The following RTKN2 variants were observed in gnomAD, a reference collection of about 807,000 sequenced individuals.
RTKN2 encodes the protein rhotekin-2.
RTKN2 carries 69 observed loss-of-function variants against 71.5 expected under a neutral mutation model. The ratio of observed to expected loss-of-function variants is 0.96; its 90% CI spans 0.79 to 1.18. The LOEUF (loss-of-function observed/expected upper bound fraction) is 1.18, where lower values mean the gene tolerates loss of function less well. Among genes scored for constraint, RTKN2 ranks in the 50% most tolerant of loss-of-function variants. RTKN2 has a pLI of 0.00. For synonymous variants in RTKN2, 236 were observed against 236.5 expected, an observed-to-expected ratio of 1.00 and a Z score of 0.02; for missense variants, 724 against 719.7, an observed-to-expected ratio of 1.01 and a Z score of -0.07.
At chr10:62,255,509 A>G (rs369286717) in intron 2 of RTKN2, among the ~76,000 whole-genome samples, 186 of 152,364 alleles carry the variant, frequency 1.2e-3, no homozygotes, top group African/African-American at 4.3e-3. Flanking sequence ...GAGACTAAAG[A>G]GAGGATTGTC....
Position 62,194,931 on chromosome 10 carries a change from G to A in RTKN2, c.*2977C>T. 1 of 985,348 alleles carries A rather than the reference G, an allele frequency of 1.0e-6. No homozygotes were observed. Among genetic ancestry groups the A allele is most frequent in the Non-Finnish European group, 1.2e-6 (1 of 829,892 alleles). The allele number at this position is 985,348 out of a possible 1,614,324, so 61.0% of individuals were successfully genotyped here. On this transcript the variant is annotated 3_prime_UTR_variant, in exon 12 of 12. Transcript: ENST00000373789. ...TTAAAAGAAGTCAGGGGGCACTGCA[G>A]ACAGTTAAGGAGGATTTAACAAAAC...
intron 2 of RTKN2, among the ~76,000 whole-genome samples, chr10:62,258,877 G>A (rs889219418): frequency 6.6e-6 from 1 of 152,074 alleles, no homozygotes; most frequent in African/African-American, 2.4e-5. Context: ...GGGAGATGGA[G>A]GTACATGGGT....
chr10:62,189,804 G>A (rs372340704), downstream of RTKN2, among the ~76,000 whole-genome samples: 24 of 151,914 alleles, frequency 1.6e-4, no homozygotes, highest in East Asian at 4.4e-3. Flanking sequence ...AGTCCAGGCT[G>A]GGCAACAGAG....
chr10:62,204,180 A>G (rs1229919859), intron 10 of RTKN2, among the ~76,000 whole-genome samples: 1 of 152,204 alleles, frequency 6.6e-6, no homozygotes, highest in Non-Finnish European at 1.5e-5. Flanking sequence ...TACATTTTCA[A>G]TATAATGATA....
chr10:62,202,926 T>C (rs190739922), intron 10 of RTKN2, among the ~76,000 whole-genome samples: 127 of 152,246 alleles, frequency 8.3e-4, no homozygotes, highest in African/African-American at 2.8e-3. Flanking sequence ...TTTGGGGGGC[T>C]GAGGTGGGCG....
In RTKN2 at chr10:62,218,316, A is replaced by C. The variant is rs773102654; in HGVS notation, c.782-15T>G. ...TGAAGACTCCTCTATTTAAAGGAGA[A>C]AGAAAAAAAAAAATCAAGTTATAAA... On this transcript the variant is annotated splice_polypyrimidine_tract_variant and intron_variant, in intron 7 of 11. Coordinates refer to ENST00000373789, the MANE Select transcript of RTKN2 (RefSeq NM_145307.4). 48 of 1,410,094 alleles carry C rather than the reference A, an allele frequency of 3.4e-5. No homozygotes were observed. Among genetic ancestry groups the C allele is most frequent in the Non-Finnish European group, 4.5e-5 (47 of 1,049,014 alleles). 87.3% of individuals were successfully genotyped at this position (1,410,094 alleles called of 1,614,324 possible).
At chr10:62,250,698 C>T (rs1359235785) in intron 2 of RTKN2, among the ~76,000 whole-genome samples, 1 of 152,136 alleles carries the variant, frequency 6.6e-6, no homozygotes, top group Non-Finnish European at 1.5e-5. Context: ...GGCATGATCT[C>T]GGCTCACTGC....
At chr10:62,247,576 A>T (rs563918736) in intron 2 of RTKN2, among the ~76,000 whole-genome samples, 33 of 152,092 alleles carry the variant, frequency 2.2e-4, no homozygotes, top group African/African-American at 7.9e-4. Flanking sequence ...TGAATCATAA[A>T]TTTTAAAAAG....
chr10:62,189,688 T>C (rs1841189573), downstream of RTKN2, among the ~76,000 whole-genome samples: 1 of 152,182 alleles, frequency 6.6e-6, no homozygotes, highest in Non-Finnish European at 1.5e-5. Flanking sequence ...TAGCTGGGCA[T>C]GGAGGCACAT....
chr10:62,255,062 T>A (rs1589382738), intron 2 of RTKN2, among the ~76,000 whole-genome samples: 1 of 152,186 alleles, frequency 6.6e-6, no homozygotes, highest in Non-Finnish European at 1.5e-5. Flanking sequence ...GGTATATGGG[T>A]ATTCACTGTA....
At chr10:62,205,382 T>C (rs1173745507) in intron 9 of RTKN2, among the ~76,000 whole-genome samples, 1 of 152,174 alleles carries the variant, frequency 6.6e-6, no homozygotes, top group Non-Finnish European at 1.5e-5. Context: ...AAGTACAGCA[T>C]GTCATAGCTG....
chr10:62,244,662 C>T (rs543341520), intron 3 of RTKN2, among the ~76,000 whole-genome samples: 1 of 151,996 alleles, frequency 6.6e-6, no homozygotes, highest in South Asian at 2.1e-4. Context: ...ATTTATTGCA[C>T]ATAATGAACA....
rs1424364625 is a variant in RTKN2, at chr10:62,197,190, G to T, written c.*718C>A. ...AAATTAGCACCACACACAGAAAATT[G>T]AATGTAAAGAGCATTTCATCTACCA... On this transcript the variant is annotated 3_prime_UTR_variant, in exon 12 of 12. Coordinates refer to ENST00000373789, the MANE Select transcript of RTKN2 (RefSeq NM_145307.4). 1.0e-6 allele frequency: 1 copy of T among 985,534 alleles called. No homozygotes were observed. Among genetic ancestry groups the T allele is most frequent in the Non-Finnish European group, 1.2e-6 (1 of 829,782 alleles). 61.0% of individuals were successfully genotyped at this position (985,534 alleles called of 1,614,324 possible).
At chr10:62,255,297 G>A (rs565209431) in intron 2 of RTKN2, among the ~76,000 whole-genome samples, 2 of 152,142 alleles carry the variant, frequency 1.3e-5, no homozygotes, top group African/African-American at 2.4e-5. Flanking sequence ...CCCAGGAACC[G>A]TGAGCATACC....
At chr10:62,230,638 C>T (rs1564514999) in intron 6 of RTKN2, among the ~76,000 whole-genome samples, 1 of 152,054 alleles carries the variant, frequency 6.6e-6, no homozygotes, top group South Asian at 2.1e-4. Flanking sequence ...AAAAACTGCT[C>T]GAGGTAGGCA....
chr10:62,230,698 G>C (rs1187505121), intron 6 of RTKN2, among the ~76,000 whole-genome samples: 1 of 152,166 alleles, frequency 6.6e-6, no homozygotes, highest in Non-Finnish European at 1.5e-5. Context: ...GATGTTCAGA[G>C]AATGTAACTG....
rs79095437 is a variant in RTKN2 at position 62,232,078 on chromosome 10, T to G, written c.686+3988A>C. On this transcript the variant is annotated intron_variant, in intron 6 of 11. Transcript: ENST00000373789. ...GGTTTTATTGTATCTTTTGACCCAC[T>G]TTAATGGTATCAAATAAACAAATGG... 3.9e-5 allele frequency among the ~76,000 whole-genome samples: 6 copies of G among 152,290 alleles called. No homozygotes were observed. The East Asian group carries it at 9.6e-4, about 24-fold the overall frequency.
At position 62,193,535 on chromosome 10, in the gene RTKN2, A is replaced by ATCC. The variant is rs1841264356; in HGVS notation, c.*4372_*4373insGGA. On this transcript the variant is annotated 3_prime_UTR_variant, in exon 12 of 12. Coordinates refer to ENST00000373789, the MANE Select transcript of RTKN2 (RefSeq NM_145307.4). ...GCCTCTCTCTGTAAAGTATTTTTTTAATTTTAAATATTTCTGATCACACTA... is the reference window on the plus strand; with the variant it reads ...GCCTCTCTCTGTAAAGTATTTTTTTATCCATTTTAAATATTTCTGATCACACTA... 1 of 981,564 alleles carries ATCC rather than the reference A, an allele frequency of 1.0e-6. No individual in the cohort carries two copies. The highest frequency in any genetic ancestry group is 6.1e-5 in the Admixed American group (1 of 16,264). The allele number at this position is 981,564 out of a possible 1,614,324, so 60.8% of individuals were successfully genotyped here. A position where few individuals can be genotyped will look rare whatever the true frequency, so the allele number is the denominator to read the frequency against.
chr10:62,241,070 C>CT, intron 4 of RTKN2, 72 bp downstream of exon 4: 4 of 798,366 alleles, frequency 5.0e-6, no homozygotes, highest in Non-Finnish European at 8.2e-6. Context: ...AGGAAGCAGT[C>CT]TTTTTTCTCA....
Sources: gnomAD v4.1 joint callset for allele counts (sites outside exome capture counted in the v4.1 genomes callset) on GRCh38, gnomAD v4.1.1 for gene constraint, MANE v1.5 for transcripts, NCBI Gene and HGNC (gene_info 2026-07-23, HGNC 2026-07-21) for gene names.